The following CAMK2A variants were observed in gnomAD, a reference collection of about 807,000 sequenced individuals.
CAMK2A encodes calcium/calmodulin-dependent protein kinase type II subunit alpha.
Under a neutral mutation model 79.2 loss-of-function variants are expected in CAMK2A, and 7 were observed. The observed-to-expected ratio is 0.09, with a 90% confidence interval of 0.05 to 0.17. The LOEUF (loss-of-function observed/expected upper bound fraction) is 0.17, where lower values mean the gene tolerates loss of function less well. Among genes scored for constraint, CAMK2A ranks in the 10% least tolerant of loss-of-function variants. The pLI, the probability that CAMK2A is intolerant of heterozygous loss-of-function variation, is 1.00. For missense variants in CAMK2A, 214 were observed against 646.4 expected (o/e 0.33, Z 7.25); for synonymous variants, 242 against 251.7 (o/e 0.96, Z 0.36).
intron 2 of CAMK2A, 73 bp from the exon 3 acceptor site, chr5:150,265,088 C>T: frequency 1.7e-6 from 2 of 1,166,816 alleles, no homozygotes; most frequent in South Asian, 2.5e-5. Flanking sequence ...CTTCTCAAAG[C>T]CTCGTATTAT....
chr5:150,262,392 G>A (rs1756338007), intron 3 of CAMK2A, among the ~76,000 whole-genome samples: 1 of 152,152 alleles, frequency 6.6e-6, no homozygotes, highest in Admixed American at 6.5e-5. Flanking sequence ...GAAGGAAGAT[G>A]CTTGGAGGAT....
intron 2 of CAMK2A, among the ~76,000 whole-genome samples, chr5:150,272,245 C>T (rs1345912467): frequency 1.3e-5 from 2 of 151,962 alleles, no homozygotes; most frequent in Non-Finnish European, 2.9e-5. Flanking sequence ...TCAGGGAAAG[C>T]CATAAAGGAA....
Position 150,282,974 on chromosome 5 carries a change from G to A in CAMK2A, c.62+6590C>T, listed in dbSNP as rs192132575. On this transcript the variant is annotated intron_variant, in intron 1 of 18. Coordinates refer to ENST00000671881, the MANE Select transcript of CAMK2A (RefSeq NM_015981.4). ...GCTACCTCCCTTACTCTACAGAGTC[G>A]GCAGCTCTGCCTCTAGGGCCCCTCA... Among the ~76,000 whole-genome samples the A allele has an allele frequency of 2.4e-3, 360 of 152,290 alleles. 2 individuals are homozygous for A. The highest frequency in any genetic ancestry group is 3.1e-3 in the Non-Finnish European group (209 of 68,030).
At chr5:150,230,944 G>A (rs528186323) in intron 16 of CAMK2A, among the ~76,000 whole-genome samples, 2 of 152,256 alleles carry the variant, frequency 1.3e-5, no homozygotes, top group African/African-American at 4.8e-5. Context: ...TGAAGGGAAC[G>A]TGCCTCCCTT....
At chr5:150,287,435 A>T (rs184970473) in intron 1 of CAMK2A, among the ~76,000 whole-genome samples, 1 of 152,310 alleles carries the variant, frequency 6.6e-6, no homozygotes, top group African/African-American at 2.4e-5. Flanking sequence ...AGGCCTAGCT[A>T]TGCCTGCTAC....
chr5:150,225,737 GTTATTA>G (rs201656810), intron 17 of CAMK2A, among the ~76,000 whole-genome samples: 3 of 44,350 alleles, frequency 6.8e-5, no homozygotes, highest in East Asian at 1.2e-3. Context: ...GAATTCAATT[GTTATTA>G]TTATTATTAT....
chr5:150,273,545 A>G (rs1756836103), intron 1 of CAMK2A, among the ~76,000 whole-genome samples: 1 of 152,226 alleles, frequency 6.6e-6, no homozygotes, highest in Non-Finnish European at 1.5e-5. Flanking sequence ...ATAAGGGTAT[A>G]GGTAGTAAAA....
chr5:150,274,730 G>A (rs1359489020), intron 1 of CAMK2A, among the ~76,000 whole-genome samples: 1 of 152,092 alleles, frequency 6.6e-6, no homozygotes, highest in Non-Finnish European at 1.5e-5. Context: ...GATTGCCCAA[G>A]GTCACATGGT....
intron 17 of CAMK2A, among the ~76,000 whole-genome samples, chr5:150,225,315 C>A (rs1369120409): frequency 1.3e-5 from 2 of 152,060 alleles, no homozygotes; most frequent in Admixed American, 6.5e-5. Context: ...CAATATCTAC[C>A]CCTGTGCATA....
At chr5:150,281,174 A>G (rs944176489) in intron 1 of CAMK2A, among the ~76,000 whole-genome samples, 2 of 152,236 alleles carry the variant, frequency 1.3e-5, no homozygotes, top group Non-Finnish European at 2.9e-5. Context: ...ATCAAAGCCC[A>G]GTCTCTTCCC....
intron 2 of CAMK2A, among the ~76,000 whole-genome samples, chr5:150,265,934 C>CA (rs56772676): frequency 0.021 from 1,724 of 83,398 alleles, 36 homozygotes; most frequent in African/African-American, 0.059. Context: ...GACTTCATCT[C>CA]AAAAAAAAAA....
intron 15 of CAMK2A, among the ~76,000 whole-genome samples, chr5:150,235,810 A>G (rs1480230932): frequency 1.3e-5 from 2 of 152,292 alleles, no homozygotes; most frequent in Non-Finnish European, 1.5e-5. Flanking sequence ...TCACTTAGTA[A>G]GAAGACTTAA....
At chr5:150,267,767 G>C (rs780070756) in intron 2 of CAMK2A, among the ~76,000 whole-genome samples, 26 of 151,950 alleles carry the variant, frequency 1.7e-4, no homozygotes, top group Non-Finnish European at 7.4e-5. Flanking sequence ...TGTTGACAAA[G>C]GAAGAGTCCC....
At chr5:150,265,363 G>A (rs923000928) in intron 2 of CAMK2A, 13 of 238,572 alleles carry the variant, frequency 5.4e-5, no homozygotes, top group African/African-American at 1.1e-4. Context: ...AGCAGATCCC[G>A]CTGGGCCCTC....
intron 2 of CAMK2A, among the ~76,000 whole-genome samples, chr5:150,270,863 A>C (rs1400335040): frequency 1.3e-5 from 2 of 152,120 alleles, no homozygotes; most frequent in Non-Finnish European, 2.9e-5. Context: ...AGGAGTGCTT[A>C]GTCACCTTCC....
In CAMK2A at chr5:150,222,456, C is replaced by T; in HGVS notation, c.*254G>A. On this transcript the variant is annotated 3_prime_UTR_variant, in exon 19 of 19. Coordinates refer to ENST00000671881, the MANE Select transcript of CAMK2A (RefSeq NM_015981.4). The stretch of plus-strand genomic sequence containing the variant: ...GAGAGGGGGCCAGTGCTGTGGACAC[C>T]CATGCCTGAGGAAGCCCCAGCCTGG... 3 of 700,536 alleles carry T rather than the reference C, an allele frequency of 4.3e-6. 1 individual carries two copies. The South Asian group carries it at 4.5e-5, about 10-fold the overall frequency. 43.4% of individuals were successfully genotyped at this position (700,536 alleles called of 1,614,324 possible).
intron 1 of CAMK2A, among the ~76,000 whole-genome samples, chr5:150,287,782 C>T (rs141561700): frequency 7.2e-5 from 11 of 152,228 alleles, no homozygotes; most frequent in African/African-American, 2.6e-4. Context: ...TAGACAGCCT[C>T]AGTCCTCCAG....
At chr5:150,228,590 C>G in intron 16 of CAMK2A, among the ~76,000 whole-genome samples, 1 of 152,142 alleles carries the variant, frequency 6.6e-6, no homozygotes, top group East Asian at 1.9e-4. Context: ...GTGCAGTGCA[C>G]TAAAGGTGCT....
At chr5:150,258,427 A>C (rs1009997042) in intron 3 of CAMK2A, among the ~76,000 whole-genome samples, 1 of 152,248 alleles carries the variant, frequency 6.6e-6, no homozygotes, top group African/African-American at 2.4e-5. Context: ...GTGAATGACG[A>C]TTCATCCGCA....
Sources: gnomAD v4.1 joint callset for allele counts (sites outside exome capture counted in the v4.1 genomes callset) on GRCh38, gnomAD v4.1.1 for gene constraint, MANE v1.5 for transcripts, NCBI Gene and HGNC (gene_info 2026-07-23, HGNC 2026-07-21) for gene names.